The following PPIP5K2 variants were observed in gnomAD, a reference collection of about 807,000 sequenced individuals.
PPIP5K2 encodes the protein diphosphoinositol pentakisphosphate kinase 2, also known as inositol hexakisphosphate and diphosphoinositol-pentakisphosphate kinase 2.
Under a neutral mutation model 154.6 loss-of-function variants are expected in PPIP5K2, and 105 were observed. The observed-to-expected ratio is 0.68, with a 90% CI of 0.58 to 0.80. The LOEUF (loss-of-function observed/expected upper bound fraction) is 0.80. Among genes scored for constraint, PPIP5K2 ranks in the 30% least tolerant of loss-of-function variants. PPIP5K2 has a pLI of 0.00. For missense variants in PPIP5K2, 992 were observed against 1,504.6 expected (o/e 0.66, Z 5.64); for synonymous variants, 480 against 490.3 (o/e 0.98, Z 0.28).
chr5:103,162,647 G>A (rs1459121562), intron 17 of PPIP5K2, among the ~76,000 whole-genome samples: 1 of 152,130 alleles, frequency 6.6e-6, no homozygotes, highest in African/African-American at 2.4e-5. Flanking sequence ...ACAGGCATGA[G>A]CCACCATGCC....
In PPIP5K2 at chr5:103,154,758, G is replaced by A; in HGVS notation, c.1293+13G>A. On this transcript the variant is annotated intron_variant, in intron 12 of 30. Coordinates refer to ENST00000358359, the MANE Select transcript of PPIP5K2 (RefSeq NM_001276277.3). ...AAAACAGTTACAGGCAAGTGTATTT[G>A]CTTTCTTGTTTAATTTTAAATTTTT... 6.4e-7 allele frequency: 1 copy of A among 1,564,570 alleles called. No homozygotes were observed.
At chr5:103,189,240 G>A in intron 28 of PPIP5K2, 1 of 1,503,286 alleles carries the variant, frequency 6.7e-7, no homozygotes, top group Non-Finnish European at 8.9e-7. Flanking sequence ...TGTTTTTATA[G>A]CTTCTAAACA....
In PPIP5K2 at chr5:103,149,314, G is replaced by A; in HGVS notation, c.906+1G>A. The A allele has an allele frequency of 2.5e-6, 4 of 1,612,344 alleles. No homozygotes were observed. Among genetic ancestry groups the A allele is most frequent in the African/African-American group, 1.3e-5 (1 of 74,962 alleles). ...TTGGAAAGTCTGCCTTGCTTTTAAGGTAAGATGTTATACAGGCCTATAGAT... is the reference window on the plus strand; with the variant it reads ...TTGGAAAGTCTGCCTTGCTTTTAAGATAAGATGTTATACAGGCCTATAGAT... On this transcript the variant is annotated splice_donor_variant, in intron 8 of 30. Coordinates refer to ENST00000358359, the MANE Select transcript of PPIP5K2 (RefSeq NM_001276277.3). LOFTEE classifies it high-confidence loss of function.
At chr5:103,157,720 A>ATAT (rs1476582247) in intron 14 of PPIP5K2, among the ~76,000 whole-genome samples, 2 of 152,020 alleles carry the variant, frequency 1.3e-5, no homozygotes, top group African/African-American at 4.8e-5. Context: ...AAAACAAAAA[A>ATAT]ATATATATAT....
rs568284429 is a variant in PPIP5K2 at position 103,155,029 on chromosome 5, C to T, written c.1403+86C>T. The T allele has an allele frequency of 1.7e-4, 123 of 744,604 alleles. 2 individuals carry two copies. Among genetic ancestry groups the T allele is most frequent in the Non-Finnish European group, 1.0e-4 (52 of 502,038 alleles). 46.1% of individuals were successfully genotyped at this position (744,604 alleles called of 1,614,324 possible). A position where few individuals can be genotyped will look rare whatever the true frequency, so the allele number is the denominator to read the frequency against. On this transcript the variant is annotated intron_variant, in intron 13 of 30. Transcript: ENST00000358359. ...TGTGATTTTCCATTTTAATTACTTT[C>T]ACAGTCTGATCTTTTTACTCTTTGT...
At chr5:103,131,637 T>C (rs1427786373) in intron 2 of PPIP5K2, among the ~76,000 whole-genome samples, 1 of 152,184 alleles carries the variant, frequency 6.6e-6, no homozygotes, top group African/African-American at 2.4e-5. Context: ...AGAAGCTTGA[T>C]TTAGTTCATT....
chr5:103,196,007 T>C (rs1376499199), intron 30 of PPIP5K2, among the ~76,000 whole-genome samples: 1 of 152,220 alleles, frequency 6.6e-6, no homozygotes, highest in Non-Finnish European at 1.5e-5. Context: ...CTTCTTCATA[T>C]AACTGTCAGA....
In PPIP5K2 at chr5:103,158,203, A is replaced by G. The variant is rs1795714277; in HGVS notation, c.1505A>G (p.Glu502Gly). Residue 502 changes from glutamate to glycine, a missense_variant, in exon 15 of 31, where the codon GAA (glutamate) becomes GGA (glycine). Physicochemically the swap from Glu to Gly is moderately conservative, Grantham distance 98. Around this residue, in one of 9 missense-constraint regions of PPIP5K2, gnomAD observed 163 missense variants for 285.2 expected, o/e 0.57. Transcript: ENST00000358359. ...SSEEEDSRREEPSLLLVLKWG... is the reference protein window; with the variant it reads ...SSEEEDSRREGPSLLLVLKWG... ...TGTGTCATAGACAGCCGAAGAGAAG[A>G]ACCATCTTTACTTTTGGTTCTAAAA... 6.2e-7 allele frequency: 1 copy of G among 1,613,460 alleles called. No homozygotes were observed. Among genetic ancestry groups the G allele is most frequent in the Non-Finnish European group, 8.5e-7 (1 of 1,179,480 alleles).
chr5:103,187,066 A>G (rs76145960), intron 27 of PPIP5K2, among the ~76,000 whole-genome samples: 4,774 of 152,216 alleles, frequency 0.031, 257 homozygotes, highest in African/African-American at 0.11. Context: ...AGACAGTAAA[A>G]CATGGATTTA....
At chr5:103,138,311 A>T in intron 4 of PPIP5K2, 73 bp from the exon 5 acceptor site, 1 of 876,730 alleles carries the variant, frequency 1.1e-6, no homozygotes, top group Non-Finnish European at 1.7e-6. Flanking sequence ...AATGTCTTTT[A>T]AGAAAACTAC....
At chr5:103,169,264 A>C (rs1322709946) in intron 19 of PPIP5K2, among the ~76,000 whole-genome samples, 5 of 151,810 alleles carry the variant, frequency 3.3e-5, no homozygotes, top group African/African-American at 1.2e-4. Flanking sequence ...AACTCAGTAC[A>C]AGATTATTTG....
rs544925753 is a variant in PPIP5K2, at chr5:103,135,010, T to A, written c.310+1362T>A. On this transcript the variant is annotated intron_variant, in intron 3 of 30. Coordinates refer to ENST00000358359, the MANE Select transcript of PPIP5K2 (RefSeq NM_001276277.3). The stretch of plus-strand genomic sequence containing the variant: ...TCAGCATGTTTTAATACTTTTTCTC[T>A]TAACTATTCTGGTAGTACTATAAAA... Among the ~76,000 whole-genome samples the A allele has an allele frequency of 1.9e-4, 29 of 152,332 alleles. No homozygotes were observed. The South Asian group carries it at 6.0e-3, about 32-fold the overall frequency.
rs1320550021 is a variant in PPIP5K2 at position 103,173,939 on chromosome 5, G to A, written c.2496G>A (p.Leu832=). 6.2e-7 allele frequency: 1 copy of A among 1,606,008 alleles called. No homozygotes were observed. The highest frequency in any genetic ancestry group is 8.5e-7 in the Non-Finnish European group (1 of 1,173,874). ...YFTSESHVHS[L]LSILRYGALC... Reference sequence around the variant, plus strand: ...CCAGTGAAAGTCATGTACATTCTTTGCTGTCTATTCTTCGCTATGGTGCCT... The same window carrying A: ...CCAGTGAAAGTCATGTACATTCTTTACTGTCTATTCTTCGCTATGGTGCCT... The change falls in exon 21 of 31, where the codon TTG becomes TTA. Residue 832 remains leucine (L), a synonymous_variant. Coordinates refer to ENST00000358359, the MANE Select transcript of PPIP5K2 (RefSeq NM_001276277.3).
At position 103,211,497 on chromosome 5, in the gene PPIP5K2, T is replaced by C. The variant is rs1422766746; in HGVS notation, c.*9863T>C. The C allele has an allele frequency of 6.6e-6, 1 of 152,112 alleles. No homozygotes were observed. Among genetic ancestry groups the C allele is most frequent in the Non-Finnish European group, 1.5e-5 (1 of 67,966 alleles). 9.4% of individuals were successfully genotyped at this position (152,112 alleles called of 1,614,324 possible). On this transcript the variant is annotated 3_prime_UTR_variant, in exon 31 of 31. Transcript: ENST00000358359. ...ACTCTCACCTACTTACTAGATATAGTGTTTGTAATGTTAGCCTTGGAGATT... is the reference window on the plus strand; with the variant it reads ...ACTCTCACCTACTTACTAGATATAGCGTTTGTAATGTTAGCCTTGGAGATT...
chr5:103,120,642 G>C (rs1273258872), intron 1 of PPIP5K2, 154 bp downstream of exon 1: 6 of 371,538 alleles, frequency 1.6e-5, no homozygotes, highest in African/African-American at 1.2e-4. Context: ...TGACAGCCTG[G>C]GCGTGGAGTG....
At chr5:103,129,867 T>A (rs1232819112) in intron 2 of PPIP5K2, among the ~76,000 whole-genome samples, 164 bp downstream of exon 2, 14 of 152,220 alleles carry the variant, frequency 9.2e-5, no homozygotes, top group Non-Finnish European at 1.8e-4. Context: ...AATACAGTTA[T>A]GGGTCAAACC....
rs1554218484 is a variant in PPIP5K2 at position 103,168,088 on chromosome 5, T to C, written c.2079T>C (p.His693=). 9 of 1,604,390 alleles carry C rather than the reference T, an allele frequency of 5.6e-6. No individual in the cohort carries two copies. The highest frequency in any genetic ancestry group is 7.7e-6 in the Non-Finnish European group (9 of 1,174,180). ...DPKSSDIQLY[H]SETLELMLRR... ...TTGTTTTAGATATTCAGCTTTACCA[T>C]AGTGAAACATTGGAGCTTATGCTAC... Residue 693 remains histidine, a synonymous_variant, in exon 19 of 31, where the codon CAT becomes CAC. Coordinates refer to ENST00000358359, the MANE Select transcript of PPIP5K2 (RefSeq NM_001276277.3).
At chr5:103,141,166 G>C (rs1792561841) in intron 5 of PPIP5K2, among the ~76,000 whole-genome samples, 1 of 152,176 alleles carries the variant, frequency 6.6e-6, no homozygotes, top group Non-Finnish European at 1.5e-5. Context: ...ACCCCGTCTT[G>C]TGTCCGGAAT....
At position 103,209,006 on chromosome 5, in the gene PPIP5K2, A is replaced by C. The variant is rs1424463051; in HGVS notation, c.*7372A>C. ...GGAAGAGGAGGAGGAAGAAGAACAA[A>C]AGAAGCCTGCCTCTCTTTAGACTGC... On this transcript the variant is annotated 3_prime_UTR_variant, in exon 31 of 31. Transcript: ENST00000358359. 6.6e-6 allele frequency: 1 copy of C among 152,214 alleles called. No homozygotes were observed. The highest frequency in any genetic ancestry group is 2.4e-5 in the African/African-American group (1 of 41,468). 9.4% of individuals were successfully genotyped at this position (152,214 alleles called of 1,614,324 possible). A position where few individuals can be genotyped will look rare whatever the true frequency, so the allele number is the denominator to read the frequency against.
Sources: gnomAD v4.1 joint callset for allele counts (sites outside exome capture counted in the v4.1 genomes callset) on GRCh38, gnomAD v4.1.1 for gene constraint, gnomAD v4.1.1 regional missense constraint, MANE v1.5 for transcripts, NCBI Gene and HGNC (gene_info 2026-07-23, HGNC 2026-07-21) for gene names.